The following LGI2 variants were observed in gnomAD, a reference collection of about 807,000 sequenced individuals.
LGI2 encodes leucine rich repeat LGI family member 2.
A neutral mutation model predicts 52.0 loss-of-function variants in LGI2; 30 were observed. That is an observed-to-expected ratio of 0.58 (90% CI 0.43 to 0.78). The LOEUF (loss-of-function observed/expected upper bound fraction) is 0.78. Ranked by LOEUF, LGI2 falls within the 30% of genes least tolerant of loss-of-function variation. The probability of loss-of-function intolerance (pLI) is 0.00; values close to 1 mark genes in which losing one functional copy is unlikely to be tolerated. For synonymous variants in LGI2, 270 were observed against 271.8 expected (o/e 0.99, Z 0.06); for missense variants, 573 against 692.5 (o/e 0.83, Z 1.94).
At chr4:25,019,946 C>T (rs1276938721) in intron 4 of LGI2, among the ~76,000 whole-genome samples, 5 of 152,182 alleles carry the variant, frequency 3.3e-5, no homozygotes, top group Admixed American at 1.3e-4. Context: ...TAGAACAGTG[C>T]CTGGCACACA....
At chr4:25,022,698 C>A (rs1726011335) in intron 4 of LGI2, among the ~76,000 whole-genome samples, 1 of 152,158 alleles carries the variant, frequency 6.6e-6, no homozygotes. Context: ...AGTCCATGCA[C>A]CCGAGGACAC....
At chr4:24,995,341 G>A (rs1725038895), downstream of LGI2, among the ~76,000 whole-genome samples, 1 of 152,206 alleles carries the variant, frequency 6.6e-6, no homozygotes, top group African/African-American at 2.4e-5. Context: ...CCAAAACACA[G>A]CAGCTTAAAA....
intron 6 of LGI2, among the ~76,000 whole-genome samples, chr4:25,013,151 C>T (rs1725646027): frequency 6.6e-6 from 1 of 152,216 alleles, no homozygotes. Flanking sequence ...ATTATGGTTT[C>T]TACCCACTTA....
intron 1 of LGI2, 114 bp from the exon 2 acceptor site, chr4:25,028,692 G>A (rs1726223250): frequency 2.4e-6 from 2 of 828,678 alleles, no homozygotes; most frequent in Admixed American, 4.1e-5. Context: ...TCTCAGGAGT[G>A]AGGCATAGCA....
At chr4:25,014,295 T>C (rs559226499) in intron 6 of LGI2, among the ~76,000 whole-genome samples, 1 of 152,212 alleles carries the variant, frequency 6.6e-6, no homozygotes, top group Non-Finnish European at 1.5e-5. Context: ...AATCCCAGGA[T>C]GAAAAGGAGT....
intron 7 of LGI2, among the ~76,000 whole-genome samples, chr4:25,006,026 C>A (rs12501590): frequency 0.38 from 57,525 of 152,068 alleles, 10,949 homozygotes; most frequent in Middle Eastern, 0.5. Flanking sequence ...CGGGTGATTG[C>A]TCATTAGTGG....
intron 3 of LGI2, among the ~76,000 whole-genome samples, chr4:25,025,166 G>A (rs1034801728): frequency 3.3e-5 from 5 of 152,092 alleles, no homozygotes; most frequent in African/African-American, 4.8e-5. Flanking sequence ...ATCCTGGGGA[G>A]AAATAAAGAA....
chr4:24,994,116 C>G (rs1577536440), downstream of LGI2, among the ~76,000 whole-genome samples: 2 of 152,218 alleles, frequency 1.3e-5, no homozygotes, highest in African/African-American at 2.4e-5. Context: ...AATAAAAAAC[C>G]TAAAAGGGAG....
downstream of LGI2, among the ~76,000 whole-genome samples, chr4:24,997,414 T>C (rs1476000940): frequency 6.6e-6 from 1 of 152,222 alleles, no homozygotes. Flanking sequence ...GTTTCTGACT[T>C]GCAGGTTTGA....
At chr4:25,010,633 C>G (rs1725550454) in intron 7 of LGI2, among the ~76,000 whole-genome samples, 1 of 152,224 alleles carries the variant, frequency 6.6e-6, no homozygotes, top group Non-Finnish European at 1.5e-5. Context: ...TGAGCTCTTT[C>G]TAGTATGTAT....
rs907207663 is a variant in LGI2, at chr4:25,004,433, C to T, written c.821-165G>A. Among the ~76,000 whole-genome samples, 1 of 152,186 alleles carries T rather than the reference C, an allele frequency of 6.6e-6. No individual in the cohort carries two copies. Among genetic ancestry groups the T allele is most frequent in the African/African-American group, 2.4e-5 (1 of 41,442 alleles). ...TTAAACATGGAATTACCCTATGAGC[C>T]AGCAATTCCACTTCTTTGTATATAC... is the stretch of plus-strand genomic sequence containing the variant. On this transcript the variant is annotated intron_variant, in intron 7 of 7. Coordinates refer to ENST00000382114, the MANE Select transcript of LGI2 (RefSeq NM_018176.4). This position sits in a 1 kb window ranked among gnomAD's most constrained non-coding sequence, Gnocchi z 4.6.
chr4:25,023,081 T>C (rs1186463782), intron 4 of LGI2, among the ~76,000 whole-genome samples: 4 of 149,318 alleles, frequency 2.7e-5, no homozygotes, highest in African/African-American at 7.7e-5. Flanking sequence ...ATGATGATGA[T>C]GATGATGATG....
downstream of LGI2, among the ~76,000 whole-genome samples, chr4:24,994,355 A>G (rs901900327): frequency 6.6e-6 from 1 of 152,214 alleles, no homozygotes; most frequent in Admixed American, 6.5e-5. Context: ...AAGGATAAGA[A>G]GGGTTGCCTT....
Position 25,030,525 on chromosome 4 carries a change from T to C in LGI2, c.169A>G (p.Arg57Gly). The C allele has an allele frequency of 6.3e-7, 1 of 1,596,396 alleles. No individual in the cohort carries two copies. Among genetic ancestry groups the C allele is most frequent in the Non-Finnish European group, 8.5e-7 (1 of 1,173,260 alleles). ...GAGCTGATGTCGCCCGGCACGATCC[T>C]GGGCACCCAGGAAGAGCCCACGCAG... ...IICVGSSWVP[R>G]IVPGDISSLS... The change falls in exon 1 of 8, where the codon AGG becomes GGG. Residue 57 changes from arginine to glycine, a missense_variant. Arg to Gly is a moderately radical substitution (Grantham distance 125). Transcript: ENST00000382114.
chr4:25,026,995 A>G, intron 2 of LGI2, 56 bp from the exon 3 acceptor site: 2 of 1,309,714 alleles, frequency 1.5e-6, no homozygotes, highest in Non-Finnish European at 2.2e-6. Flanking sequence ...TCACATGGTA[A>G]AGCCATTTCT....
At position 25,030,694 on chromosome 4, in the gene LGI2, G is replaced by GCCCCGGTCCCCGCTC; in HGVS notation, c.-2_-1insGAGCGGGGACCGGGG. The GCCCCGGTCCCCGCTC allele has an allele frequency of 7.4e-7, 1 of 1,352,918 alleles. No homozygotes were observed. The highest frequency in any genetic ancestry group is 1.8e-5 in the South Asian group (1 of 54,154). The allele number at this position is 1,352,918 out of a possible 1,614,324, so 83.8% of individuals were successfully genotyped here. ...CGCAGCCGCCTCTCCGCAGCGCCAT[G>GCCCCGGTCCCCGCTC]CCCGGTCCCCGCTCCCCGCCCGGGC... On this transcript the variant is annotated 5_prime_UTR_variant, in exon 1 of 8. Transcript: ENST00000382114.
In LGI2 at chr4:25,018,023, G is replaced by C. The variant is rs750799457; in HGVS notation, c.621C>G (p.Asp207Glu). The change falls in exon 6 of 8, where the codon GAC (aspartate) becomes GAG (glutamate). Residue 207 changes from aspartate to glutamate, a missense_variant. Transcript: ENST00000382114. The part of the protein sequence containing the change: ...PPEYQEKKLN[D>E]VTSFDYECTT... ...TGCATTCATAGTCAAAGCTGGTCACGTCATTTAGCTTCTTTTCCTGATACT... is the reference window on the plus strand; with the variant it reads ...TGCATTCATAGTCAAAGCTGGTCACCTCATTTAGCTTCTTTTCCTGATACT... 1.2e-6 allele frequency: 2 copies of C among 1,612,616 alleles called. No homozygotes were observed. Among genetic ancestry groups the C allele is most frequent in the South Asian group, 1.1e-5 (1 of 90,668 alleles).
At chr4:25,027,288 T>C (rs1726182069) in intron 2 of LGI2, among the ~76,000 whole-genome samples, 1 of 151,480 alleles carries the variant, frequency 6.6e-6, no homozygotes, top group South Asian at 2.1e-4. Flanking sequence ...AATCATAAAA[T>C]TAGAGATCTA....
At position 25,012,278 on chromosome 4, in the gene LGI2, C is replaced by T. The variant is rs141559725; in HGVS notation, c.820+57G>A. On this transcript the variant is annotated intron_variant, in intron 7 of 7. Coordinates refer to ENST00000382114, the MANE Select transcript of LGI2 (RefSeq NM_018176.4). ...AATACAGAGGACATTCCTCCTCCCGCGGGCTTGCCGCAATGCTGAAATTAG... is the reference window on the plus strand; with the variant it reads ...AATACAGAGGACATTCCTCCTCCCGTGGGCTTGCCGCAATGCTGAAATTAG... 1,098 of 1,592,900 alleles carry T rather than the reference C, an allele frequency of 6.9e-4. 7 individuals are homozygous for T. In the African/African-American group the frequency reaches 0.012, roughly 17 times the overall value.
Sources: allele counts gnomAD v4.1 joint callset (sites outside exome capture counted in the v4.1 genomes callset), GRCh38; gene constraint gnomAD v4.1.1; non-coding constraint Gnocchi (gnomAD v3.1); transcripts MANE v1.5; gene names NCBI Gene and HGNC (gene_info 2026-07-23, HGNC 2026-07-21).